The following TIAM2 variants were observed in gnomAD, a reference collection of about 807,000 sequenced individuals.
The protein encoded by TIAM2 is TIAM Rac1 associated GEF 2, also known as rho guanine nucleotide exchange factor TIAM2.
Under a neutral mutation model 152.9 loss-of-function variants are expected in TIAM2, and 80 were observed. The ratio of observed to expected loss-of-function variants is 0.52; its 90% CI spans 0.44 to 0.63. The LOEUF is 0.63. Ranked by LOEUF, TIAM2 falls within the 30% of genes least tolerant of loss-of-function variation. The pLI, the probability that TIAM2 is intolerant of heterozygous loss-of-function variation, is 0.00. For missense variants in TIAM2, 1,965 were observed against 2,120.1 expected (o/e 0.93, Z 1.44); for synonymous variants, 804 against 838.0 (o/e 0.96, Z 0.70).
chr6:155,182,188 G>A, intron 12 of TIAM2, 38 bp from the exon 13 acceptor site: 1 of 1,559,992 alleles, frequency 6.4e-7, no homozygotes, highest in South Asian at 1.1e-5. Flanking sequence ...CAGTGTGGTG[G>A]GCTGAGACTT....
At chr6:155,057,541 C>CTTTTTTTTTTTTT (rs71023613) in intron 1 of TIAM2, among the ~76,000 whole-genome samples, 5 of 80,072 alleles carry the variant, frequency 6.2e-5, no homozygotes, top group South Asian at 3.9e-4. Context: ...CCATAATGTA[C>CTTTTTTTTTTTTT]TTTTTTTTTT....
In TIAM2 at chr6:155,214,209, G is replaced by A. The variant is rs984465688; in HGVS notation, c.3168+2902G>A. Among the ~76,000 whole-genome samples, 3 of 152,214 alleles carry A rather than the reference G, an allele frequency of 2.0e-5. No individual in the cohort carries two copies. The highest frequency in any genetic ancestry group is 4.8e-5 in the African/African-American group (2 of 41,466). On this transcript the variant is annotated intron_variant, in intron 15 of 26. Coordinates refer to ENST00000682666, the MANE Select transcript of TIAM2 (RefSeq NM_012454.4). The surrounding 1 kb of genome is among the most constrained non-coding windows in gnomAD (Gnocchi z 5.4). ...TCAGCTCCTGCTGGCTCCATGGAAC[G>A]CACAGCGCTGGCCGTGCCTCCCCCG...
intron 4 of TIAM2, among the ~76,000 whole-genome samples, chr6:155,135,293 T>G (rs1174722788): frequency 1.3e-5 from 2 of 152,234 alleles, no homozygotes; most frequent in African/African-American, 4.8e-5. Flanking sequence ...ACTTGATTTT[T>G]GGATGAAATT....
At chr6:155,024,975 T>C (rs1776570321) in intron 1 of TIAM2, among the ~76,000 whole-genome samples, 1 of 152,196 alleles carries the variant, frequency 6.6e-6, no homozygotes, top group Admixed American at 6.5e-5. Flanking sequence ...TTATTTAGCA[T>C]TCCATAGAAC....
intron 1 of TIAM2, among the ~76,000 whole-genome samples, chr6:155,002,602 C>A (rs1167627648): frequency 6.6e-6 from 1 of 152,064 alleles, no homozygotes; most frequent in Non-Finnish European, 1.5e-5. Context: ...GTGTCTATAT[C>A]AATTGTTGCA....
At position 155,077,449 on chromosome 6, in the gene TIAM2, C is replaced by CACTT. The variant is rs538599265; in HGVS notation, c.-208-12837_-208-12836insTACT. Among the ~76,000 whole-genome samples, 359 of 152,312 alleles carry CACTT rather than the reference C, an allele frequency of 2.4e-3. 3 individuals are homozygous for CACTT. Among genetic ancestry groups the CACTT allele is most frequent in the African/African-American group, 8.0e-3 (334 of 41,554 alleles). On this transcript the variant is annotated intron_variant, in intron 1 of 26. Transcript: ENST00000682666. ...TTTTCCCTTTGACGTAAAATTTACT[C>CACTT]ACTCAGTTCCTAGAGAAATATTTTT... is the stretch of plus-strand genomic sequence containing the variant.
intron 1 of TIAM2, among the ~76,000 whole-genome samples, chr6:155,074,388 A>C (rs1013071902): frequency 1.3e-5 from 2 of 151,934 alleles, no homozygotes; most frequent in East Asian, 3.9e-4. Context: ...AGTCTCGCTC[A>C]GTCGCCCAGG....
At chr6:155,008,476 C>T (rs1778433953) in intron 1 of TIAM2, among the ~76,000 whole-genome samples, 1 of 152,206 alleles carries the variant, frequency 6.6e-6, no homozygotes, top group Admixed American at 6.5e-5. Context: ...ATTTCCAGGT[C>T]TCTGAACCAG....
chr6:155,205,490 A>G (rs1201791098), intron 14 of TIAM2, among the ~76,000 whole-genome samples: 1 of 152,122 alleles, frequency 6.6e-6, no homozygotes, highest in Non-Finnish European at 1.5e-5. Flanking sequence ...TGTCCTTACA[A>G]TCAGGAGCTG....
At position 155,256,814 on chromosome 6, in the gene TIAM2, AC is replaced by A. The variant is rs760149871; in HGVS notation, c.4802del (p.Pro1601GlnfsTer70). 1.9e-6 allele frequency: 3 copies of A among 1,614,152 alleles called. No homozygotes were observed. The highest frequency in any genetic ancestry group is 2.5e-6 in the Non-Finnish European group (3 of 1,180,026). ...TTCCAGAGACTGAGGATTTCCGAGG[AC>A]CCAGACGTTCACCCCGAGGCTGAGC... Reference protein sequence around the residue: ...IQFQRLRISEDPDVHPEAEQQ... With the variant: ...IQFQRLRISEXPDVHPEAEQQ... On this transcript the variant is annotated frameshift_variant, in exon 27 of 27. Transcript: ENST00000682666. LOFTEE classifies it low-confidence loss of function (END_TRUNC).
intron 1 of TIAM2, among the ~76,000 whole-genome samples, chr6:155,048,187 A>C (rs1777245285): frequency 6.6e-6 from 1 of 152,118 alleles, no homozygotes; most frequent in South Asian, 2.1e-4. Context: ...GCCTGACCTC[A>C]AGTGATCTGC....
intron 7 of TIAM2, among the ~76,000 whole-genome samples, chr6:155,161,366 G>C (rs1780264653): frequency 6.6e-6 from 1 of 152,118 alleles, no homozygotes; most frequent in South Asian, 2.1e-4. Flanking sequence ...TTTTTGTAGA[G>C]ACAGGGTTTC....
chr6:155,000,971 G>A (rs1778302847), intron 1 of TIAM2, among the ~76,000 whole-genome samples: 1 of 152,144 alleles, frequency 6.6e-6, no homozygotes. Flanking sequence ...GCGACAGAGC[G>A]AGACCCCATC....
chr6:155,171,313 C>T (rs962280726), intron 9 of TIAM2, among the ~76,000 whole-genome samples: 1 of 152,154 alleles, frequency 6.6e-6, no homozygotes, highest in Non-Finnish European at 1.5e-5. Context: ...TCATAACGAA[C>T]GTCTGGATGA....
chr6:155,141,558 T>G (rs1386647778), intron 5 of TIAM2, among the ~76,000 whole-genome samples: 2 of 152,162 alleles, frequency 1.3e-5, no homozygotes, highest in African/African-American at 4.8e-5. Flanking sequence ...GACGTACATG[T>G]TTTTCAAGGC....
Position 155,004,494 on chromosome 6 carries a change from G to A in TIAM2, c.-209+9002G>A, listed in dbSNP as rs372212783. ...CAACCCCCACCTCCTGGGTTCACGCGATTCTCCTGCCTCAGCCTCCCGAGT... is the reference window on the plus strand; with the variant it reads ...CAACCCCCACCTCCTGGGTTCACGCAATTCTCCTGCCTCAGCCTCCCGAGT... On this transcript the variant is annotated intron_variant, in intron 1 of 26. Transcript: ENST00000682666. Among the ~76,000 whole-genome samples, 23 of 152,152 alleles carry A rather than the reference G, an allele frequency of 1.5e-4. No homozygotes were observed. In the East Asian group the frequency reaches 2.3e-3, roughly 15 times the overall value.
chr6:154,997,584 T>G (rs1778238719), intron 1 of TIAM2, among the ~76,000 whole-genome samples: 1 of 150,494 alleles, frequency 6.6e-6, no homozygotes, highest in African/African-American at 2.4e-5. Flanking sequence ...TAATAGGAGC[T>G]CAGTTAAGGT....
At position 155,121,109 on chromosome 6, in the gene TIAM2, A is replaced by G. The variant is rs143408294; in HGVS notation, c.-117-6381A>G. ...TAGAAGATTCTAAATTTATCTATAT[A>G]TAATATTTAATTTAATAATAGATAA... On this transcript the variant is annotated intron_variant, in intron 2 of 26. Transcript: ENST00000682666. 3.6e-3 allele frequency among the ~76,000 whole-genome samples: 548 copies of G among 151,996 alleles called. 2 individuals are homozygous for G. The highest frequency in any genetic ancestry group is 5.5e-3 in the Non-Finnish European group (371 of 67,958).
At position 155,029,416 on chromosome 6, in the gene TIAM2, ACT is replaced by A. The variant is rs1491091390; in HGVS notation, c.-209+33925_-209+33926del. Among the ~76,000 whole-genome samples the A allele has an allele frequency of 2.3e-5, 2 of 88,080 alleles. 1 individual carries two copies. The highest frequency in any genetic ancestry group is 4.1e-5 in the Non-Finnish European group (2 of 48,802). The allele number at this position is 88,080 out of a possible 152,430, so 57.8% of individuals were successfully genotyped here. A position where few individuals can be genotyped will look rare whatever the true frequency, so the allele number is the denominator to read the frequency against. On this transcript the variant is annotated intron_variant, in intron 1 of 26. Transcript: ENST00000682666. ...ATATACTATAGTATATATAATATAT[ACT>A]ATATATACTATAGTATATATTATAC...
Sources: allele counts gnomAD v4.1 joint callset (sites outside exome capture counted in the v4.1 genomes callset), GRCh38; gene constraint gnomAD v4.1.1; non-coding constraint Gnocchi (gnomAD v3.1); transcripts MANE v1.5; gene names NCBI Gene and HGNC (gene_info 2026-07-23, HGNC 2026-07-21).